ZFPM1: variants seen among roughly 807,000 people sequenced by gnomAD.
ZFPM1 encodes zinc finger protein ZFPM1.
Under a neutral mutation model 46.3 loss-of-function variants are expected in ZFPM1, and 28 were observed. The observed-to-expected ratio is 0.60, with a 90% CI of 0.45 to 0.83. The LOEUF is 0.83. ZFPM1 is among the 40% of genes least tolerant of loss of function. ZFPM1 has a pLI of 0.00. For missense variants in ZFPM1, 1,878 were observed against 1,432.4 expected (o/e 1.31, Z -5.02); for synonymous variants, 957 against 675.9 (o/e 1.42, Z -6.45).
intron 4 of ZFPM1, among the ~76,000 whole-genome samples, chr16:88,517,184 G>GGATA (rs1374483653): frequency 3.2e-3 from 40 of 12,694 alleles, no homozygotes; most frequent in Non-Finnish European, 0.01. Flanking sequence ...ATGGGTAGAT[G>GGATA]GATGGATGGA....
chr16:88,512,759 C>G (rs1911043759), intron 3 of ZFPM1, among the ~76,000 whole-genome samples: 1 of 152,180 alleles, frequency 6.6e-6, no homozygotes, highest in South Asian at 2.1e-4. Context: ...ACACCAGGAG[C>G]TCCCATCGGG....
At chr16:88,498,721 G>A (rs746448774) in intron 3 of ZFPM1, among the ~76,000 whole-genome samples, 3 of 152,256 alleles carry the variant, frequency 2.0e-5, no homozygotes, top group Non-Finnish European at 4.4e-5. Context: ...TGGAGTGATC[G>A]CAGGGGTGAG....
rs2038273287 is a variant in ZFPM1, at chr16:88,453,539, G to A, written c.-100G>A. On this transcript the variant is annotated 5_prime_UTR_variant, in exon 1 of 10. Coordinates refer to ENST00000319555, the MANE Select transcript of ZFPM1 (RefSeq NM_153813.3). Reference sequence around the variant, plus strand: ...GGGCGGCCGCGGAGACCGGGGGCCGGGGGCATGAGCGGCCCCGCGGCCCCG... The same window carrying A: ...GGGCGGCCGCGGAGACCGGGGGCCGAGGGCATGAGCGGCCCCGCGGCCCCG... 9.4e-6 allele frequency: 5 copies of A among 532,636 alleles called. No individual in the cohort carries two copies. Among genetic ancestry groups the A allele is most frequent in the Non-Finnish European group, 1.2e-5 (5 of 419,546 alleles). The allele number at this position is 532,636 out of a possible 1,614,324, so 33.0% of individuals were successfully genotyped here.
chr16:88,501,013 A>G (rs1910223289), intron 3 of ZFPM1, among the ~76,000 whole-genome samples: 1 of 151,416 alleles, frequency 6.6e-6, no homozygotes, highest in South Asian at 2.1e-4. Context: ...TGACTTCTCC[A>G]CCTCCTCCTG....
chr16:88,528,318 G>A, intron 6 of ZFPM1, 80 bp downstream of exon 6: 1 of 1,426,324 alleles, frequency 7.0e-7, no homozygotes, highest in African/African-American at 1.4e-5. Context: ...TGGGAGCTGA[G>A]GGTGGGAAGC....
intron 6 of ZFPM1, chr16:88,530,341 TC>T: frequency 6.6e-6 from 1 of 152,336 alleles, no homozygotes; most frequent in Non-Finnish European, 1.5e-5. Context: ...TGCCTCGGTT[TC>T]CCCCTCGCGG....
At chr16:88,523,937 G>A (rs1336733642) in intron 4 of ZFPM1, among the ~76,000 whole-genome samples, 2 of 152,216 alleles carry the variant, frequency 1.3e-5, no homozygotes, top group African/African-American at 4.8e-5. Flanking sequence ...CATGGCGCCT[G>A]CCCTCCACTC....
At chr16:88,522,461 G>T (rs114481016) in intron 4 of ZFPM1, among the ~76,000 whole-genome samples, 1,978 of 152,336 alleles carry the variant, frequency 0.013, 39 homozygotes, top group African/African-American at 0.045. Context: ...GCCCCACGGG[G>T]CTTCTGCAGG....
At chr16:88,503,630 T>C (rs1910498124) in intron 3 of ZFPM1, among the ~76,000 whole-genome samples, 1 of 152,178 alleles carries the variant, frequency 6.6e-6, no homozygotes, top group Admixed American at 6.5e-5. Flanking sequence ...GGTCTTCTCA[T>C]CTGTGTTGGG....
At chr16:88,502,651 G>A (rs1196883873) in intron 3 of ZFPM1, among the ~76,000 whole-genome samples, 2 of 152,232 alleles carry the variant, frequency 1.3e-5, no homozygotes, top group Non-Finnish European at 2.9e-5. Flanking sequence ...GCAGGTCGGA[G>A]CCACCCGGTC....
chr16:88,467,523 G>A (rs893859760), intron 1 of ZFPM1, among the ~76,000 whole-genome samples: 2 of 152,230 alleles, frequency 1.3e-5, no homozygotes, highest in Admixed American at 6.5e-5. Context: ...GGTGCCAGTC[G>A]CCCTCTCAGA....
chr16:88,479,943 C>G (rs986720818), intron 1 of ZFPM1, among the ~76,000 whole-genome samples: 4 of 149,342 alleles, frequency 2.7e-5, no homozygotes, highest in African/African-American at 9.9e-5. Flanking sequence ...AGATGGGGCA[C>G]GTCCCTGCAG....
At chr16:88,488,975 G>A in intron 2 of ZFPM1, 56 bp from the exon 3 acceptor site, 2 of 1,570,916 alleles carry the variant, frequency 1.3e-6, no homozygotes, top group South Asian at 1.2e-5. Flanking sequence ...CTACAGGGAG[G>A]GGCAGCTCAG....
chr16:88,512,435 A>C (rs1385161445), intron 3 of ZFPM1, among the ~76,000 whole-genome samples: 1 of 152,150 alleles, frequency 6.6e-6, no homozygotes, highest in Non-Finnish European at 1.5e-5. Flanking sequence ...CTGGAACCCG[A>C]GGGGAAGGCA....
chr16:88,473,228 T>C (rs1031467597), intron 1 of ZFPM1, among the ~76,000 whole-genome samples: 1 of 152,254 alleles, frequency 6.6e-6, no homozygotes, highest in Non-Finnish European at 1.5e-5. Context: ...TGAATCCTGC[T>C]CCTGGCCCCC....
intron 3 of ZFPM1, among the ~76,000 whole-genome samples, chr16:88,509,015 C>T (rs552236089): frequency 6.6e-6 from 1 of 152,192 alleles, no homozygotes; most frequent in South Asian, 2.1e-4. Flanking sequence ...CCCCTGGCCA[C>T]CCCGGTCTGC....
In ZFPM1 at chr16:88,486,056, G is replaced by T; in HGVS notation, c.145+13G>T. The T allele has an allele frequency of 1.9e-6, 3 of 1,608,402 alleles. No homozygotes were observed. Among genetic ancestry groups the T allele is most frequent in the Non-Finnish European group, 2.5e-6 (3 of 1,178,270 alleles). ...CCTCCCAGCGCAGGTGAGTCAGACTGAGCCCTCTCACCGCGCCTCCAGCCG... is the reference window on the plus strand; with the variant it reads ...CCTCCCAGCGCAGGTGAGTCAGACTTAGCCCTCTCACCGCGCCTCCAGCCG... On this transcript the variant is annotated intron_variant, in intron 2 of 9. Coordinates refer to ENST00000319555, the MANE Select transcript of ZFPM1 (RefSeq NM_153813.3).
rs1194315892 is a variant in ZFPM1 at position 88,534,358 on chromosome 16, G to T, written c.2400G>T (p.Lys800Asn). 1 of 1,422,086 alleles carries T rather than the reference G, an allele frequency of 7.0e-7. No homozygotes were observed. The highest frequency in any genetic ancestry group is 2.8e-5 in the Admixed American group (1 of 35,302). The allele number at this position is 1,422,086 out of a possible 1,614,324, so 88.1% of individuals were successfully genotyped here. A position where few individuals can be genotyped will look rare whatever the true frequency, so the allele number is the denominator to read the frequency against. The change falls in exon 10 of 10, where the codon AAG becomes AAT. Residue 800 changes from lysine to asparagine, a missense_variant. By Grantham distance (94) the Lys-to-Asn change is moderately conservative. Coordinates refer to ENST00000319555, the MANE Select transcript of ZFPM1 (RefSeq NM_153813.3). ...AADGPIDLSK[K>N]PRRPLPGAPA... is the part of the protein sequence containing the mutation. ...ACGGCCCCATCGACCTGAGCAAGAA[G>T]CCGCGGCGCCCGCTCCCCGGAGCCC...
At chr16:88,517,180 AGATGGATG>A (rs72281150) in intron 4 of ZFPM1, among the ~76,000 whole-genome samples, 5,078 of 92,004 alleles carry the variant, frequency 0.055, 166 homozygotes, top group Middle Eastern at 0.082. Context: ...ATGGATGGGT[AGATGGATG>A]GATGGATGGA....
Sources: gnomAD v4.1 joint callset for allele counts (sites outside exome capture counted in the v4.1 genomes callset) on GRCh38, gnomAD v4.1.1 for gene constraint, MANE v1.5 for transcripts, NCBI Gene and HGNC (gene_info 2026-07-23, HGNC 2026-07-21) for gene names.